WDFY4: variants seen among roughly 807,000 people sequenced by gnomAD.
WDFY4 encodes the protein WDFY family member 4.
WDFY4 carries 169 observed loss-of-function variants against 351.9 expected under a neutral mutation model. The ratio of observed to expected loss-of-function variants is 0.48; its 90% CI spans 0.42 to 0.55. The LOEUF is 0.55. Among genes scored for constraint, WDFY4 ranks in the 20% least tolerant of loss-of-function variants. The pLI, the probability that WDFY4 is intolerant of heterozygous loss-of-function variation, is 0.00. For missense variants in WDFY4, 3,803 were observed against 3,935.6 expected, an observed-to-expected ratio of 0.97 and a Z score of 0.90; for synonymous variants, 1,622 against 1,574.6, an observed-to-expected ratio of 1.03 and a Z score of -0.71.
chr10:48,819,015 T>TG (rs1254278634), intron 32 of WDFY4, among the ~76,000 whole-genome samples: 2 of 152,160 alleles, frequency 1.3e-5, no homozygotes, highest in Non-Finnish European at 2.9e-5. Context: ...TCAGCCCCCA[T>TG]GCCCAAGGGC....
chr10:48,959,597 A>G, intron 52 of WDFY4, 125 bp from the exon 53 acceptor site: 1 of 842,810 alleles, frequency 1.2e-6, no homozygotes. Context: ...CATGGTCTGC[A>G]GAGAACATAA....
At chr10:48,953,520 G>A (rs113971700) in intron 51 of WDFY4, among the ~76,000 whole-genome samples, 315 of 152,272 alleles carry the variant, frequency 2.1e-3, no homozygotes, top group Admixed American at 4.1e-3. Flanking sequence ...GCTTTCCACC[G>A]TTGCATACTG....
At chr10:48,814,476 A>G (rs2067556949) in intron 31 of WDFY4, among the ~76,000 whole-genome samples, 1 of 152,226 alleles carries the variant, frequency 6.6e-6, no homozygotes, top group Non-Finnish European at 1.5e-5. Context: ...CGCCAGCTAC[A>G]GGCAGGGCAT....
At chr10:48,787,904 TTCTTCTTC>T (rs2066504854) in intron 20 of WDFY4, among the ~76,000 whole-genome samples, 23 of 29,434 alleles carry the variant, frequency 7.8e-4, no homozygotes, top group African/African-American at 3.6e-3. Flanking sequence ...CTTCTTCTTC[TTCTTCTTC>T]TTCTTCTTCT....
intron 39 of WDFY4, 99 bp downstream of exon 39, chr10:48,832,808 A>G: frequency 7.2e-7 from 1 of 1,383,554 alleles, no homozygotes; most frequent in Non-Finnish European, 9.5e-7. Context: ...GACATGATCT[A>G]ACTCCACGTC....
chr10:48,854,951 T>G (rs188085268), intron 39 of WDFY4, among the ~76,000 whole-genome samples: 79 of 152,346 alleles, frequency 5.2e-4, no homozygotes, highest in Non-Finnish European at 9.4e-4. Flanking sequence ...GTAGAATTAG[T>G]CAAATTTTTC....
intron 43 of WDFY4, among the ~76,000 whole-genome samples, chr10:48,882,350 A>G (rs1180392013): frequency 6.6e-6 from 1 of 152,224 alleles, no homozygotes; most frequent in Non-Finnish European, 1.5e-5. Flanking sequence ...TGAGAACCTC[A>G]TTCTGCTATT....
intron 44 of WDFY4, among the ~76,000 whole-genome samples, chr10:48,893,892 A>C (rs1836940398): frequency 6.6e-6 from 1 of 152,220 alleles, no homozygotes; most frequent in Non-Finnish European, 1.5e-5. Flanking sequence ...GCTGGCTGTT[A>C]TGCTGACGAA....
chr10:48,800,017 C>G (rs1255047158), intron 24 of WDFY4, among the ~76,000 whole-genome samples: 1 of 152,076 alleles, frequency 6.6e-6, no homozygotes, highest in African/African-American at 2.4e-5. Context: ...TCTCGAGTAG[C>G]TGGGACTATA....
intron 2 of WDFY4, among the ~76,000 whole-genome samples, chr10:48,717,685 T>C (rs770094069): frequency 6.6e-6 from 1 of 152,238 alleles, no homozygotes; most frequent in Non-Finnish European, 1.5e-5. Context: ...AACTTGCTTT[T>C]TCCAGTCAAC....
At position 48,720,143 on chromosome 10, in the gene WDFY4, C is replaced by T; in HGVS notation, c.349+18C>T. On this transcript the variant is annotated intron_variant, in intron 3 of 61. Transcript: ENST00000325239. ...GCCTGCGGGTAAGAGCATGGAGGTGCTGGCAGACCCTCTACAGAGAGCAGT... is the reference window on the plus strand; with the variant it reads ...GCCTGCGGGTAAGAGCATGGAGGTGTTGGCAGACCCTCTACAGAGAGCAGT... The T allele has an allele frequency of 6.5e-7, 1 of 1,549,876 alleles. No homozygotes were observed. The highest frequency in any genetic ancestry group is 2.4e-5 in the East Asian group (1 of 40,892).
At chr10:48,933,544 C>T (rs886725819) in intron 47 of WDFY4, among the ~76,000 whole-genome samples, 2 of 152,192 alleles carry the variant, frequency 1.3e-5, no homozygotes, top group Admixed American at 6.5e-5. Context: ...AGGAGCTGAG[C>T]TAGATCCTGT....
At chr10:48,742,832 A>G in intron 11 of WDFY4, 136 bp from the exon 12 acceptor site, 1 of 782,428 alleles carries the variant, frequency 1.3e-6, no homozygotes, top group Non-Finnish European at 2.0e-6. Context: ...AATGTTTCAG[A>G]GTGATCCTTC....
intron 13 of WDFY4, among the ~76,000 whole-genome samples, chr10:48,768,069 G>T (rs147226005): frequency 7.2e-5 from 11 of 152,280 alleles, no homozygotes; most frequent in African/African-American, 2.6e-4. Context: ...ATTTGGATTA[G>T]CCTGGGCCTG....
chr10:48,769,652 C>T (rs1348306684), intron 13 of WDFY4, among the ~76,000 whole-genome samples: 2 of 152,132 alleles, frequency 1.3e-5, no homozygotes, highest in Non-Finnish European at 2.9e-5. Flanking sequence ...GCAGAAGACG[C>T]ACATATCTTG....
At chr10:48,969,781 C>G (rs1325276324) in intron 56 of WDFY4, among the ~76,000 whole-genome samples, 1 of 151,988 alleles carries the variant, frequency 6.6e-6, no homozygotes, top group Non-Finnish European at 1.5e-5. Context: ...CCCTATCCCC[C>G]AAGCTCTCCC....
In WDFY4 at chr10:48,896,529, G is replaced by C. The variant is rs117359152; in HGVS notation, c.7317-925G>C. Among the ~76,000 whole-genome samples the C allele has an allele frequency of 4.6e-5, 7 of 152,318 alleles. No homozygotes were observed. The East Asian group carries it at 1.3e-3, about 29-fold the overall frequency. On this transcript the variant is annotated intron_variant, in intron 44 of 61. Transcript: ENST00000325239. ...TGAGAGCCTCACTCACCTCTGAAGA[G>C]ACCTCATCCTGAAGGTTGCCAGGGC...
chr10:48,828,815 A>G lies in WDFY4; in HGVS notation c.6259A>G (p.Met2087Val), dbSNP rs1051762413. The G allele has an allele frequency of 3.9e-6, 6 of 1,550,106 alleles. No homozygotes were observed. In the South Asian group the frequency reaches 6.0e-5, roughly 15 times the overall value. The change falls in exon 37 of 62, where the codon ATG (methionine) becomes GTG (valine). Residue 2087 changes from methionine (M) to valine (V), a missense_variant. Met to Val is a conservative substitution (Grantham distance 21, BLOSUM62 1). Transcript: ENST00000325239. The part of the protein sequence containing the change: ...EGFGLEPKPR[M>V]STYHQVFLSP... ...ATTTGGATTGGAGCCCAAGCCTAGA[A>G]TGTCTACTTATCATCAAGTCTTCCT...
intron 13 of WDFY4, 124 bp from the exon 14 acceptor site, chr10:48,774,334 A>T (rs2065959523): frequency 1.2e-5 from 12 of 972,042 alleles, no homozygotes; most frequent in Non-Finnish European, 1.9e-5. Flanking sequence ...TGTAGTGGGG[A>T]TGGGGTATGG....
Sources: allele counts gnomAD v4.1 joint callset (sites outside exome capture counted in the v4.1 genomes callset), GRCh38; gene constraint gnomAD v4.1.1; transcripts MANE v1.5; gene names NCBI Gene and HGNC (gene_info 2026-07-23, HGNC 2026-07-21).